The following TRAPPC9 variants were observed in gnomAD, a reference collection of about 807,000 sequenced individuals.
TRAPPC9 encodes trafficking protein particle complex subunit 9, also known as IKK2 binding protein.
A neutral mutation model predicts 124.0 loss-of-function variants in TRAPPC9; 83 were observed. That is an observed-to-expected ratio of 0.67 (90% CI 0.56 to 0.80). The LOEUF is 0.80. TRAPPC9 is among the 30% of genes least tolerant of loss of function. The pLI, the probability that TRAPPC9 is intolerant of heterozygous loss-of-function variation, is 0.00. For synonymous variants in TRAPPC9, 638 were observed against 617.5 expected, an observed-to-expected ratio of 1.03 and a Z score of -0.49; for missense variants, 1,302 against 1,508.3, an observed-to-expected ratio of 0.86 and a Z score of 2.27.
At chr8:139,781,737 C>T (rs989471175) in intron 21 of TRAPPC9, among the ~76,000 whole-genome samples, 32 of 151,742 alleles carry the variant, frequency 2.1e-4, no homozygotes, top group Admixed American at 2.0e-4. Flanking sequence ...CCTGTGTGTG[C>T]GGTGGGAGGG....
chr8:139,931,385 A>T (rs1420242181), intron 19 of TRAPPC9: 1 of 152,068 alleles, frequency 6.6e-6, no homozygotes, highest in East Asian at 1.9e-4. Flanking sequence ...TAGTGCAATC[A>T]CCCACAACCA....
intron 2 of TRAPPC9, 42 bp from the exon 3 acceptor site, chr8:140,439,239 C>T: frequency 6.2e-7 from 1 of 1,607,336 alleles, no homozygotes; most frequent in Non-Finnish European, 8.5e-7. Context: ...CTATACAACT[C>T]CCACCCAGAA....
rs1283829877 is a variant in TRAPPC9 at position 139,730,728 on chromosome 8, A to G, written c.*333T>C. On this transcript the variant is annotated 3_prime_UTR_variant, in exon 23 of 23. Coordinates refer to ENST00000438773, the MANE Select transcript of TRAPPC9 (RefSeq NM_001160372.4). ...CCTCTGCTGGGATGAGCAGCACAGCACGGCTGGGGCCCCAGGTCACAGAAA... is the reference window on the plus strand; with the variant it reads ...CCTCTGCTGGGATGAGCAGCACAGCGCGGCTGGGGCCCCAGGTCACAGAAA... 2.6e-6 allele frequency: 1 copy of G among 378,910 alleles called. No individual in the cohort carries two copies. Among genetic ancestry groups the G allele is most frequent in the Non-Finnish European group, 4.9e-6 (1 of 202,294 alleles). The allele number at this position is 378,910 out of a possible 1,614,324, so 23.5% of individuals were successfully genotyped here. A position where few individuals can be genotyped will look rare whatever the true frequency, so the allele number is the denominator to read the frequency against.
At chr8:140,440,971 A>AT (rs1281862679) in intron 2 of TRAPPC9, among the ~76,000 whole-genome samples, 1 of 73,434 alleles carries the variant, frequency 1.4e-5, no homozygotes, top group Non-Finnish European at 2.8e-5. Context: ...GAACACTGTT[A>AT]CTTTTTTTTT....
chr8:139,752,282 A>G (rs1819368892), intron 21 of TRAPPC9, among the ~76,000 whole-genome samples: 1 of 147,328 alleles, frequency 6.8e-6, no homozygotes, highest in Admixed American at 6.7e-5. Flanking sequence ...ACATCTACCC[A>G]TCCATCAACC....
chr8:140,272,500 G>A (rs372107017), intron 15 of TRAPPC9, among the ~76,000 whole-genome samples: 13 of 152,190 alleles, frequency 8.5e-5, no homozygotes, highest in Middle Eastern at 3.4e-3. Context: ...CGGTGATGCC[G>A]GTGGTTGTGG....
In TRAPPC9 at chr8:139,958,928, C is replaced by CCCTGCATTCCGAGTCACAT. The variant is rs1835179625; in HGVS notation, c.2810+29797_2810+29798insATGTGACTCGGAATGCAGG. On this transcript the variant is annotated intron_variant, in intron 19 of 22. Transcript: ENST00000438773. ...GGGGAGCACTGCATTCCGAGTCACA[C>CCCTGCATTCCGAGTCACAT]GGGGGAGCACTGCATTCCGAGTCAC... Among the ~76,000 whole-genome samples the CCCTGCATTCCGAGTCACAT allele has an allele frequency of 4.3e-3, 501 of 117,056 alleles. 13 individuals carry two copies. The highest frequency in any genetic ancestry group is 0.014 in the African/African-American group (475 of 33,632). 76.8% of individuals were successfully genotyped at this position (117,056 alleles called of 152,430 possible).
chr8:139,938,876 A>G (rs1219295652), intron 19 of TRAPPC9, among the ~76,000 whole-genome samples: 3 of 151,028 alleles, frequency 2.0e-5, no homozygotes, highest in African/African-American at 7.3e-5. Context: ...CGATCTCCTG[A>G]CCTCATGATC....
intron 17 of TRAPPC9, among the ~76,000 whole-genome samples, chr8:140,088,898 C>A (rs1563751486): frequency 6.6e-6 from 1 of 152,188 alleles, no homozygotes; most frequent in Non-Finnish European, 1.5e-5. Flanking sequence ...ACTTCTCCTT[C>A]CTGCCAGTCT....
intron 7 of TRAPPC9, among the ~76,000 whole-genome samples, chr8:140,383,992 G>A (rs1415709486): frequency 1.3e-5 from 2 of 152,188 alleles, no homozygotes; most frequent in African/African-American, 2.4e-5. Context: ...AGCCAGAAGA[G>A]AGTAGGGGCC....
intron 17 of TRAPPC9, among the ~76,000 whole-genome samples, chr8:140,151,074 C>G (rs1219821785): frequency 6.6e-6 from 1 of 152,074 alleles, no homozygotes; most frequent in Non-Finnish European, 1.5e-5. Flanking sequence ...TCAGCTGCAC[C>G]GGAACAGAAA....
At chr8:140,183,351 G>C (rs2131022176) in intron 17 of TRAPPC9, among the ~76,000 whole-genome samples, 1 of 152,358 alleles carries the variant, frequency 6.6e-6, no homozygotes, top group African/African-American at 2.4e-5. Context: ...TGAATACACG[G>C]TGGAGGAAAG....
rs557654103 is a variant in TRAPPC9 at position 140,037,663 on chromosome 8, C to T, written c.2557-13584G>A. ...AAAACACACACCATACACATATACACACATACCCAATACACACACACACAT... is the reference window on the plus strand; with the variant it reads ...AAAACACACACCATACACATATACATACATACCCAATACACACACACACAT... On this transcript the variant is annotated intron_variant, in intron 17 of 22. Coordinates refer to ENST00000438773, the MANE Select transcript of TRAPPC9 (RefSeq NM_001160372.4). Among the ~76,000 whole-genome samples, 345 of 150,416 alleles carry T rather than the reference C, an allele frequency of 2.3e-3. 1 individual carries two copies. The highest frequency in any genetic ancestry group is 7.4e-3 in the South Asian group (35 of 4,710).
At chr8:140,307,470 AC>A (rs1764817369) in intron 10 of TRAPPC9, among the ~76,000 whole-genome samples, 1 of 152,206 alleles carries the variant, frequency 6.6e-6, no homozygotes, top group Admixed American at 6.5e-5. Context: ...ACACAAGGTC[AC>A]CTGGGGGCTA....
intron 21 of TRAPPC9, among the ~76,000 whole-genome samples, chr8:139,847,819 C>T (rs562805404): frequency 6.0e-5 from 9 of 151,226 alleles, no homozygotes; most frequent in South Asian, 2.1e-4. Context: ...CCTGACGGCC[C>T]GGCCTGGGGA....
intron 21 of TRAPPC9, among the ~76,000 whole-genome samples, chr8:139,758,023 T>C (rs1819972127): frequency 1.3e-5 from 2 of 152,342 alleles, no homozygotes; most frequent in South Asian, 4.1e-4. Context: ...CCCCAGGGAT[T>C]GGGCCTGGGC....
At chr8:139,989,817 C>T (rs1241485410) in intron 18 of TRAPPC9, among the ~76,000 whole-genome samples, 3 of 152,190 alleles carry the variant, frequency 2.0e-5, no homozygotes, top group Non-Finnish European at 2.9e-5. Flanking sequence ...GTGTCCGTCA[C>T]CATCTGATAG....
intron 17 of TRAPPC9, among the ~76,000 whole-genome samples, chr8:140,116,825 GC>G (rs2060896545): frequency 9.7e-6 from 1 of 102,746 alleles, no homozygotes; most frequent in Non-Finnish European, 2.5e-5. Flanking sequence ...GGCTGAATAG[GC>G]GGAGTTCAGT....
intron 10 of TRAPPC9, among the ~76,000 whole-genome samples, chr8:140,303,318 A>G (rs1479494805): frequency 1.3e-5 from 2 of 152,172 alleles, no homozygotes; most frequent in Non-Finnish European, 1.5e-5. Context: ...CCCCCAAATT[A>G]AAGACTCACT....
Sources: allele counts gnomAD v4.1 joint callset (sites outside exome capture counted in the v4.1 genomes callset), GRCh38; gene constraint gnomAD v4.1.1; transcripts MANE v1.5; gene names NCBI Gene and HGNC (gene_info 2026-07-23, HGNC 2026-07-21).